Variants in IL1RAPL2 observed in about 807,000 individuals in gnomAD.
IL1RAPL2 encodes interleukin 1 receptor accessory protein like 2.
A neutral mutation model predicts 44.1 loss-of-function variants in IL1RAPL2; 3 were observed. The ratio of observed to expected loss-of-function variants is 0.07; its 90% confidence interval spans 0.03 to 0.18. The LOEUF (loss-of-function observed/expected upper bound fraction) is 0.18, where lower values mean the gene tolerates loss of function less well. IL1RAPL2 is among the 10% of genes least tolerant of loss of function. The pLI is 1.00. For missense variants in IL1RAPL2, 391 were observed against 496.4 expected, an observed-to-expected ratio of 0.79 and a Z score of 2.02; for synonymous variants, 181 against 178.8, an observed-to-expected ratio of 1.01 and a Z score of -0.10.
At position 104,984,039 on chromosome X, in the gene IL1RAPL2, G is replaced by T. The variant is rs754497268; in HGVS notation, c.83-211436G>T. Among the ~76,000 whole-genome samples, 4 of 110,822 alleles carry T rather than the reference G, an allele frequency of 3.6e-5. No individual in the cohort carries two copies. The South Asian group carries it at 1.5e-3, about 41-fold the overall frequency. On this transcript the variant is annotated intron_variant, in intron 2 of 10. Coordinates refer to ENST00000372582, the MANE Select transcript of IL1RAPL2 (RefSeq NM_017416.2). ...TGGAAGATAAGGATATAATAACCAGGTGTTGCTGTTATTACCTTTAGTATT... is the reference window on the plus strand; with the variant it reads ...TGGAAGATAAGGATATAATAACCAGTTGTTGCTGTTATTACCTTTAGTATT...
chrX:104,905,174 T>C (rs1225478937), intron 2 of IL1RAPL2, among the ~76,000 whole-genome samples: 6 of 112,041 alleles, frequency 5.4e-5, no homozygotes. Flanking sequence ...TGTAAATTTG[T>C]TGGAGTTCAT....
At chrX:105,223,741 T>A (rs1398934223) in intron 3 of IL1RAPL2, among the ~76,000 whole-genome samples, 1 of 111,410 alleles carries the variant, frequency 9.0e-6, no homozygotes, top group African/African-American at 3.3e-5. Flanking sequence ...TGACATACAG[T>A]TAGCATGACT....
chrX:105,015,147 C>A (rs2031146983), intron 2 of IL1RAPL2, among the ~76,000 whole-genome samples: 1 of 107,177 alleles, frequency 9.3e-6, no homozygotes, highest in South Asian at 3.8e-4. Flanking sequence ...CTTTTGCCTA[C>A]TTTTTGATGG....
At chrX:105,445,082 T>C (rs1344645655) in intron 5 of IL1RAPL2, among the ~76,000 whole-genome samples, 1 of 111,624 alleles carries the variant, frequency 9.0e-6, no homozygotes, top group East Asian at 2.8e-4. Flanking sequence ...TTATTCTTGG[T>C]CTGTTCAGGT....
chrX:105,691,575 C>A (rs1791358006), intron 6 of IL1RAPL2, among the ~76,000 whole-genome samples: 1 of 111,644 alleles, frequency 9.0e-6, no homozygotes, highest in Non-Finnish European at 1.9e-5. Flanking sequence ...CAGCATAGTT[C>A]TATTGCCACT....
chrX:105,055,573 T>C (rs2031981547), intron 2 of IL1RAPL2, among the ~76,000 whole-genome samples: 1 of 112,046 alleles, frequency 8.9e-6, no homozygotes, highest in Admixed American at 9.5e-5. Flanking sequence ...AGAATACTTA[T>C]CTGTATATAG....
intron 2 of IL1RAPL2, among the ~76,000 whole-genome samples, chrX:104,936,594 G>A (rs1925031899): frequency 9.3e-6 from 1 of 107,448 alleles, no homozygotes; most frequent in Non-Finnish European, 1.9e-5. Flanking sequence ...GATATAAGCA[G>A]ATGGAGAAAA....
At chrX:104,635,330 C>T (rs1413568675) in intron 1 of IL1RAPL2, among the ~76,000 whole-genome samples, 1 of 109,785 alleles carries the variant, frequency 9.1e-6, no homozygotes. Context: ...CTTGGAGTTG[C>T]TCTTCTCGAG....
intron 5 of IL1RAPL2, among the ~76,000 whole-genome samples, chrX:105,355,995 G>A (rs1263560489): frequency 1.8e-5 from 2 of 111,222 alleles, no homozygotes; most frequent in Non-Finnish European, 3.8e-5. Context: ...CCCCACCACC[G>A]TAAAATACCT....
At chrX:105,105,802 A>T (rs767990660) in intron 2 of IL1RAPL2, among the ~76,000 whole-genome samples, 2 of 112,123 alleles carry the variant, frequency 1.8e-5, no homozygotes, top group Non-Finnish European at 3.8e-5. Context: ...TATACATGAT[A>T]CTTGTATATA....
intron 2 of IL1RAPL2, among the ~76,000 whole-genome samples, chrX:104,953,236 T>G (rs935071176): frequency 4.5e-5 from 5 of 111,632 alleles, no homozygotes; most frequent in African/African-American, 1.3e-4. Context: ...TGTAGTCTAT[T>G]TGAGAAGATT....
At chrX:104,952,091 G>T (rs184397950) in intron 2 of IL1RAPL2, among the ~76,000 whole-genome samples, 1 of 111,882 alleles carries the variant, frequency 8.9e-6, no homozygotes, top group East Asian at 2.8e-4. Context: ...AAATGTTGAA[G>T]AATGTATGAG....
chrX:105,160,608 T>C (rs1042350492), intron 2 of IL1RAPL2, among the ~76,000 whole-genome samples: 2 of 111,533 alleles, frequency 1.8e-5, no homozygotes, highest in Admixed American at 1.9e-4. Context: ...ACACTTCATT[T>C]CATTCTCCCC....
chrX:104,593,072 T>C (rs1460957086), intron 1 of IL1RAPL2, among the ~76,000 whole-genome samples: 1 of 111,597 alleles, frequency 9.0e-6, no homozygotes, highest in East Asian at 2.8e-4. Context: ...CAAAACAAAT[T>C]AGCTGTCCTT....
At chrX:105,565,102 T>C (rs2036965531) in intron 6 of IL1RAPL2, among the ~76,000 whole-genome samples, 1 of 112,127 alleles carries the variant, frequency 8.9e-6, no homozygotes, top group South Asian at 3.7e-4. Flanking sequence ...GGCTATTGTT[T>C]CATTCCAACT....
At chrX:105,531,212 T>C (rs772725321) in intron 6 of IL1RAPL2, among the ~76,000 whole-genome samples, 1 of 112,030 alleles carries the variant, frequency 8.9e-6, no homozygotes, top group South Asian at 3.7e-4. Flanking sequence ...TTGCCAACAT[T>C]TCCTATTATC....
chrX:104,954,471 CAG>C (rs1925662344), intron 2 of IL1RAPL2, among the ~76,000 whole-genome samples: 1 of 112,615 alleles, frequency 8.9e-6, no homozygotes, highest in African/African-American at 3.2e-5. Flanking sequence ...ATGGGCAAGA[CAG>C]ATATTACACT....
chrX:105,004,407 G>A (rs1023401897), intron 2 of IL1RAPL2, among the ~76,000 whole-genome samples: 6 of 110,301 alleles, frequency 5.4e-5, no homozygotes, highest in African/African-American at 1.6e-4. Flanking sequence ...AAACTTTTAC[G>A]ATGCATGAGG....
intron 6 of IL1RAPL2, among the ~76,000 whole-genome samples, chrX:105,622,302 T>C (rs949354810): frequency 6.5e-5 from 7 of 107,690 alleles, no homozygotes; most frequent in African/African-American, 2.3e-4. Context: ...ATAATAATAA[T>C]AATAATAATA....
Sources: allele counts gnomAD v4.1 joint callset (sites outside exome capture counted in the v4.1 genomes callset), GRCh38; gene constraint gnomAD v4.1.1; transcripts MANE v1.5; gene names NCBI Gene and HGNC (gene_info 2026-07-23, HGNC 2026-07-21).